The following SAMD4A variants were observed in gnomAD, a reference collection of about 807,000 sequenced individuals.
SAMD4A encodes the protein protein Smaug homolog 1.
Under a neutral mutation model 81.3 loss-of-function variants are expected in SAMD4A, and 33 were observed. That is an observed-to-expected ratio of 0.41 (90% confidence interval 0.31 to 0.54). The LOEUF (loss-of-function observed/expected upper bound fraction) is 0.54, where lower values mean the gene tolerates loss of function less well. Among genes scored for constraint, SAMD4A ranks in the 20% least tolerant of loss-of-function variants. The pLI, the probability that SAMD4A is intolerant of heterozygous loss-of-function variation, is 0.37. For missense variants in SAMD4A, 854 were observed against 951.1 expected (o/e 0.90, Z 1.34); for synonymous variants, 389 against 382.1 (o/e 1.02, Z -0.21).
At chr14:54,747,711 T>C (rs1229673417) in intron 4 of SAMD4A, among the ~76,000 whole-genome samples, 2 of 152,348 alleles carry the variant, frequency 1.3e-5, no homozygotes, top group East Asian at 3.9e-4. Flanking sequence ...TTTATAAGAA[T>C]TGGTACATTG....
chr14:54,779,892 G>A (rs78970341), intron 11 of SAMD4A, among the ~76,000 whole-genome samples: 5 of 152,214 alleles, frequency 3.3e-5, no homozygotes, highest in Non-Finnish European at 5.9e-5. Context: ...CAAGTGTGGC[G>A]CCTGTGCGAA....
At chr14:54,667,362 T>A (rs1481151313) in intron 2 of SAMD4A, among the ~76,000 whole-genome samples, 1 of 152,218 alleles carries the variant, frequency 6.6e-6, no homozygotes, top group Non-Finnish European at 1.5e-5. Flanking sequence ...ATTGGTGGCT[T>A]TGAGCTGAAA....
chr14:54,608,593 G>A (rs1265661260), intron 2 of SAMD4A, among the ~76,000 whole-genome samples: 1 of 152,196 alleles, frequency 6.6e-6, no homozygotes, highest in African/African-American at 2.4e-5. Context: ...TACTGGACAT[G>A]CTGTGCTGGC....
chr14:54,612,158 A>G (rs1210313838), intron 2 of SAMD4A, among the ~76,000 whole-genome samples: 2 of 152,210 alleles, frequency 1.3e-5, no homozygotes, highest in East Asian at 3.8e-4. Flanking sequence ...GATGTTTGGA[A>G]AATAACAACT....
At chr14:54,573,706 AT>A (rs1378300018) in intron 2 of SAMD4A, among the ~76,000 whole-genome samples, 3 of 152,228 alleles carry the variant, frequency 2.0e-5, no homozygotes, top group Non-Finnish European at 2.9e-5. Flanking sequence ...ATAGATTAAG[AT>A]GCAGAAGCAG....
At chr14:54,750,426 G>A (rs767209265) in intron 5 of SAMD4A, among the ~76,000 whole-genome samples, 27 of 152,200 alleles carry the variant, frequency 1.8e-4, no homozygotes, top group Non-Finnish European at 3.2e-4. Flanking sequence ...TTTGAGAGAC[G>A]GCTGTCTATC....
intron 2 of SAMD4A, among the ~76,000 whole-genome samples, chr14:54,622,086 A>G (rs114464876): frequency 0.014 from 2,193 of 152,330 alleles, 57 homozygotes; most frequent in African/African-American, 0.05. Flanking sequence ...TCACTCAAGA[A>G]ATGAATTTTC....
chr14:54,636,039 T>C (rs1462841683), intron 2 of SAMD4A, among the ~76,000 whole-genome samples: 1 of 152,226 alleles, frequency 6.6e-6, no homozygotes, highest in Admixed American at 6.5e-5. Flanking sequence ...GTAAGGTAAG[T>C]AAATCACAGA....
chr14:54,622,346 G>C (rs1341927171), intron 2 of SAMD4A, among the ~76,000 whole-genome samples: 2 of 152,212 alleles, frequency 1.3e-5, no homozygotes, highest in Admixed American at 6.5e-5. Context: ...TGGAGGGACT[G>C]TTCAGGGCCT....
At chr14:54,618,192 A>G (rs1457406821) in intron 2 of SAMD4A, among the ~76,000 whole-genome samples, 1 of 152,170 alleles carries the variant, frequency 6.6e-6, no homozygotes, top group East Asian at 1.9e-4. Flanking sequence ...GATGTACTTT[A>G]TTTCCAGTGG....
At chr14:54,636,766 C>T (rs1488559952) in intron 2 of SAMD4A, among the ~76,000 whole-genome samples, 2 of 152,126 alleles carry the variant, frequency 1.3e-5, no homozygotes, top group African/African-American at 4.8e-5. Context: ...ACCTGGGCAA[C>T]TGAAAAGATG....
chr14:54,776,824 G>T (rs1594932942), intron 11 of SAMD4A, among the ~76,000 whole-genome samples: 1 of 151,996 alleles, frequency 6.6e-6, no homozygotes, highest in African/African-American at 2.4e-5. Flanking sequence ...AGAGGGCTTT[G>T]GTGGTGGGGA....
chr14:54,623,164 C>T (rs8013067), intron 2 of SAMD4A, among the ~76,000 whole-genome samples: 97,593 of 151,868 alleles, frequency 0.64, 31,678 homozygotes, highest in East Asian at 0.86. Context: ...TCAGGCCAGC[C>T]CTCTTTCTTC....
chr14:54,740,612 G>C (rs999327069), intron 4 of SAMD4A, among the ~76,000 whole-genome samples: 1 of 152,178 alleles, frequency 6.6e-6, no homozygotes, highest in Non-Finnish European at 1.5e-5. Flanking sequence ...GCCAGGTCTG[G>C]CTACACATCC....
chr14:54,728,555 G>A (rs1218325070), intron 3 of SAMD4A, among the ~76,000 whole-genome samples: 1 of 151,336 alleles, frequency 6.6e-6, no homozygotes, highest in Admixed American at 6.6e-5. Flanking sequence ...TTTTTTGAAT[G>A]GTCATTTATG....
At chr14:54,688,716 T>C (rs1479920334) in intron 2 of SAMD4A, among the ~76,000 whole-genome samples, 2 of 152,174 alleles carry the variant, frequency 1.3e-5, no homozygotes, top group Non-Finnish European at 2.9e-5. Flanking sequence ...CTTGCCACTC[T>C]TTCAACTGCT....
At chr14:54,777,235 G>A (rs1249883835) in intron 11 of SAMD4A, among the ~76,000 whole-genome samples, 1 of 151,394 alleles carries the variant, frequency 6.6e-6, no homozygotes, top group Non-Finnish European at 1.5e-5. Flanking sequence ...CAGGCAAACT[G>A]GAGATGTGTT....
intron 2 of SAMD4A, among the ~76,000 whole-genome samples, chr14:54,651,730 A>G (rs1050309880): frequency 4.6e-5 from 7 of 152,222 alleles, no homozygotes; most frequent in African/African-American, 1.7e-4. Flanking sequence ...AAGGAATGAT[A>G]TATATGAGCC....
At chr14:54,748,962 C>T in intron 5 of SAMD4A, 38 bp downstream of exon 5, 2 of 1,424,346 alleles carry the variant, frequency 1.4e-6, no homozygotes, top group South Asian at 2.5e-5. Flanking sequence ...AGAGGGTGCC[C>T]CAGGCAGGAC....
Sources: allele counts gnomAD v4.1 joint callset (sites outside exome capture counted in the v4.1 genomes callset), GRCh38; gene constraint gnomAD v4.1.1; transcripts MANE v1.5; gene names NCBI Gene and HGNC (gene_info 2026-07-23, HGNC 2026-07-21).